TTC28: variants seen among roughly 807,000 people sequenced by gnomAD.
The protein encoded by TTC28 is tetratricopeptide repeat protein 28.
A neutral mutation model predicts 198.0 loss-of-function variants in TTC28; 61 were observed. The ratio of observed to expected loss-of-function variants is 0.31; its 90% CI spans 0.25 to 0.38. The LOEUF is 0.38. Ranked by LOEUF, TTC28 falls within the 10% of genes least tolerant of loss-of-function variation. The pLI is 1.00. For missense variants in TTC28, 2,678 were observed against 3,164.0 expected, an observed-to-expected ratio of 0.85 and a Z score of 3.69; for synonymous variants, 1,171 against 1,297.8, an observed-to-expected ratio of 0.90 and a Z score of 2.10.
chr22:28,377,483 G>A (rs2046430082), intron 2 of TTC28, among the ~76,000 whole-genome samples: 1 of 151,974 alleles, frequency 6.6e-6, no homozygotes, highest in South Asian at 2.1e-4. Flanking sequence ...AACAGAGTCA[G>A]AGAAGAGAAG....
intron 2 of TTC28, among the ~76,000 whole-genome samples, chr22:28,552,247 G>A (rs1415803782): frequency 6.6e-6 from 1 of 152,038 alleles, no homozygotes; most frequent in East Asian, 1.9e-4. Flanking sequence ...CAAACAAATG[G>A]AAACACAACC....
At chr22:28,271,644 G>A (rs575104928) in intron 5 of TTC28, among the ~76,000 whole-genome samples, 37 of 152,090 alleles carry the variant, frequency 2.4e-4, no homozygotes, top group African/African-American at 6.8e-4. Context: ...TCGCCTTGTC[G>A]CCCAGGCTGG....
chr22:28,385,521 T>C (rs1163550408), intron 2 of TTC28, among the ~76,000 whole-genome samples: 1 of 151,878 alleles, frequency 6.6e-6, no homozygotes, highest in Non-Finnish European at 1.5e-5. Flanking sequence ...TCCCATACAC[T>C]CTCTCCACAC....
At chr22:28,392,705 G>A (rs1215993627) in intron 2 of TTC28, among the ~76,000 whole-genome samples, 11 of 152,164 alleles carry the variant, frequency 7.2e-5, no homozygotes, top group African/African-American at 2.4e-4. Flanking sequence ...TTCGGCTCAC[G>A]CATGGTGCGC....
chr22:28,136,962 A>C (rs1466418621), intron 6 of TTC28, among the ~76,000 whole-genome samples: 2 of 152,156 alleles, frequency 1.3e-5, no homozygotes, highest in African/African-American at 4.8e-5. Flanking sequence ...CTGAGGTTCC[A>C]CTGGAAAACA....
intron 2 of TTC28, among the ~76,000 whole-genome samples, chr22:28,567,456 C>T (rs1815551571): frequency 1.0e-5 from 1 of 99,284 alleles, no homozygotes; most frequent in Non-Finnish European, 2.0e-5. Flanking sequence ...TACACACACA[C>T]ACCACACGCA....
Position 27,993,220 on chromosome 22 carries a change from A to C in TTC28, c.5476+67T>G, listed in dbSNP as rs1202040693. ...CAGCATCCTCATGAATGCGGGGCCC[A>C]AGGCCACCAACTGTTCCACCTGCTG... On this transcript the variant is annotated intron_variant, in intron 18 of 22. Transcript: ENST00000397906. 1.4e-5 allele frequency: 20 copies of C among 1,382,412 alleles called. No individual in the cohort carries two copies. The South Asian group carries it at 2.8e-4, about 19-fold the overall frequency. 85.6% of individuals were successfully genotyped at this position (1,382,412 alleles called of 1,614,324 possible).
At chr22:28,307,542 T>G (rs570797517) in intron 2 of TTC28, among the ~76,000 whole-genome samples, 2 of 152,218 alleles carry the variant, frequency 1.3e-5, no homozygotes, top group South Asian at 2.1e-4. Context: ...CCTCCCAAAG[T>G]GCTGAGATTA....
At chr22:28,199,383 T>TTATATA (rs34398046) in intron 5 of TTC28, among the ~76,000 whole-genome samples, 2,273 of 118,146 alleles carry the variant, frequency 0.019, 52 homozygotes, top group Non-Finnish European at 0.023. Flanking sequence ...ACATTAAAAA[T>TTATATA]TATATATATA....
chr22:28,153,192 TGA>T (rs1161107618), intron 6 of TTC28, among the ~76,000 whole-genome samples: 1 of 151,926 alleles, frequency 6.6e-6, no homozygotes, highest in East Asian at 1.9e-4. Context: ...TTAGAACAGC[TGA>T]GAGTCACCAT....
chr22:28,337,201 G>C (rs1203987655), intron 2 of TTC28, among the ~76,000 whole-genome samples: 1 of 152,240 alleles, frequency 6.6e-6, no homozygotes, highest in Non-Finnish European at 1.5e-5. Flanking sequence ...TGTGGTCTGA[G>C]AGATAGTTTG....
intron 2 of TTC28, among the ~76,000 whole-genome samples, chr22:28,455,394 T>C (rs2047843826): frequency 1.3e-5 from 2 of 152,192 alleles, no homozygotes; most frequent in African/African-American, 4.8e-5. Flanking sequence ...CAGTCCTCCC[T>C]CTTGCAACAC....
In TTC28 at chr22:28,239,260, T is replaced by C. The variant is rs186842169; in HGVS notation, c.933+56938A>G. On this transcript the variant is annotated intron_variant, in intron 5 of 22. Transcript: ENST00000397906. Reference sequence around the variant, plus strand: ...CTGCAATAATGGACATATTCTACAATCTTCTTTGTCCAATATGGTAGCCAA... The same window carrying C: ...CTGCAATAATGGACATATTCTACAACCTTCTTTGTCCAATATGGTAGCCAA... Among the ~76,000 whole-genome samples the C allele has an allele frequency of 2.7e-3, 418 of 152,268 alleles. 4 individuals are homozygous for C. The highest frequency in any genetic ancestry group is 4.4e-3 in the Non-Finnish European group (302 of 68,000).
chr22:28,377,990 T>C (rs951751380), intron 2 of TTC28, among the ~76,000 whole-genome samples: 7 of 151,946 alleles, frequency 4.6e-5, no homozygotes, highest in African/African-American at 1.5e-4. Flanking sequence ...TAAGGAAAGA[T>C]TGGAAGACAT....
At chr22:28,471,081 TG>T (rs1418111265) in intron 2 of TTC28, among the ~76,000 whole-genome samples, 1 of 152,164 alleles carries the variant, frequency 6.6e-6, no homozygotes, top group African/African-American at 2.4e-5. Flanking sequence ...TTTTCAACAA[TG>T]AAAAATGAGC....
intron 2 of TTC28, among the ~76,000 whole-genome samples, chr22:28,512,131 A>C (rs1053775828): frequency 2.6e-5 from 4 of 152,128 alleles, no homozygotes; most frequent in African/African-American, 9.7e-5. Flanking sequence ...AAAGTGAGCA[A>C]AGGACATGGA....
chr22:28,010,099 C>T (rs925122487), intron 14 of TTC28, among the ~76,000 whole-genome samples: 2 of 152,192 alleles, frequency 1.3e-5, no homozygotes, highest in African/African-American at 4.8e-5. Context: ...GATAGGACTG[C>T]AGCCTGTGGG....
intron 6 of TTC28, among the ~76,000 whole-genome samples, chr22:28,133,195 C>A (rs989617318): frequency 6.6e-6 from 1 of 152,178 alleles, no homozygotes; most frequent in Non-Finnish European, 1.5e-5. Context: ...TGCACTCCAG[C>A]CTGGGTGACA....
At chr22:28,081,120 TATTATA>T (rs1941339926) in intron 12 of TTC28, among the ~76,000 whole-genome samples, 1 of 149,738 alleles carries the variant, frequency 6.7e-6, no homozygotes, top group African/African-American at 2.4e-5. Context: ...TATATTTATA[TATTATA>T]ATTATATACA....
Sources: gnomAD v4.1 joint callset for allele counts (sites outside exome capture counted in the v4.1 genomes callset) on GRCh38, gnomAD v4.1.1 for gene constraint, MANE v1.5 for transcripts, NCBI Gene and HGNC (gene_info 2026-07-23, HGNC 2026-07-21) for gene names.